RALYL: variants seen among roughly 807,000 people sequenced by gnomAD.
RALYL encodes RNA-binding Raly-like protein.
Under a neutral mutation model 35.1 loss-of-function variants are expected in RALYL, and 29 were observed. The ratio of observed to expected loss-of-function variants is 0.83; its 90% confidence interval spans 0.61 to 1.13. The LOEUF (loss-of-function observed/expected upper bound fraction) is 1.13. Ranked by LOEUF, RALYL falls within the 50% of genes most tolerant of loss-of-function variation. The probability of loss-of-function intolerance (pLI) is 0.00; values close to 1 mark genes in which losing one functional copy is unlikely to be tolerated. For synonymous variants in RALYL, 120 were observed against 127.6 expected, an observed-to-expected ratio of 0.94 and a Z score of 0.40; for missense variants, 359 against 360.4, an observed-to-expected ratio of 1.00 and a Z score of 0.03.
chr8:84,425,088 C>G (rs1291970518), intron 1 of RALYL, among the ~76,000 whole-genome samples: 1 of 152,224 alleles, frequency 6.6e-6, no homozygotes, highest in Non-Finnish European at 1.5e-5. Flanking sequence ...CCAGTTCGAG[C>G]TTCCTAGCTG....
chr8:84,499,320 T>C (rs2056421371), intron 1 of RALYL, among the ~76,000 whole-genome samples: 1 of 152,162 alleles, frequency 6.6e-6, no homozygotes, highest in Non-Finnish European at 1.5e-5. Context: ...ACTAGATGTT[T>C]GTCTTTGTTA....
intron 1 of RALYL, among the ~76,000 whole-genome samples, chr8:84,191,076 T>A (rs566235901): frequency 9.2e-5 from 14 of 151,970 alleles, no homozygotes; most frequent in Admixed American, 7.2e-4. Context: ...TCCATGAATT[T>A]TTGAAATAAA....
At chr8:84,595,308 A>C (rs1697800839) in intron 2 of RALYL, among the ~76,000 whole-genome samples, 1 of 152,148 alleles carries the variant, frequency 6.6e-6, no homozygotes, top group African/African-American at 2.4e-5. Context: ...AGAGAAGAGC[A>C]TTGTTGGAAT....
intron 1 of RALYL, among the ~76,000 whole-genome samples, chr8:84,388,852 T>A (rs938572134): frequency 6.3e-4 from 96 of 152,236 alleles, no homozygotes; most frequent in Non-Finnish European, 1.1e-3. Flanking sequence ...TTTAATTAGA[T>A]CCCATTTGTC....
At chr8:84,425,085 G>C (rs1288768579) in intron 1 of RALYL, among the ~76,000 whole-genome samples, 1 of 152,150 alleles carries the variant, frequency 6.6e-6, no homozygotes, top group Non-Finnish European at 1.5e-5. Flanking sequence ...CACCCAGTTC[G>C]AGCTTCCTAG....
At chr8:84,458,265 G>A (rs1203190404) in intron 1 of RALYL, among the ~76,000 whole-genome samples, 1 of 151,802 alleles carries the variant, frequency 6.6e-6, no homozygotes, top group African/African-American at 2.4e-5. Context: ...TGATAAATGT[G>A]TAGTCCTCCA....
At chr8:84,864,656 T>C in intron 6 of RALYL, 1 of 369,438 alleles carries the variant, frequency 2.7e-6, no homozygotes. Flanking sequence ...ATAAGATAGC[T>C]CCAAGGGATT....
chr8:84,353,762 T>C (rs7825684), intron 1 of RALYL, among the ~76,000 whole-genome samples: 62,001 of 149,716 alleles, frequency 0.41, 14,720 homozygotes, highest in East Asian at 0.51. Flanking sequence ...GGGAGTTGTT[T>C]CTCTGAGCAG....
intron 4 of RALYL, among the ~76,000 whole-genome samples, chr8:84,838,471 A>C (rs1273775082): frequency 2.6e-5 from 4 of 152,194 alleles, no homozygotes; most frequent in Admixed American, 6.5e-5. Flanking sequence ...TTATGACCTG[A>C]GCCAACTACT....
At chr8:84,769,876 A>T (rs544029811) in intron 2 of RALYL, among the ~76,000 whole-genome samples, 3 of 152,282 alleles carry the variant, frequency 2.0e-5, no homozygotes, top group African/African-American at 7.2e-5. Context: ...TAAGTAAGTT[A>T]TGAGGAATAA....
chr8:84,262,573 G>T (rs1001033103), intron 1 of RALYL, among the ~76,000 whole-genome samples: 1 of 151,994 alleles, frequency 6.6e-6, no homozygotes, highest in African/African-American at 2.4e-5. Flanking sequence ...TTAACAAATT[G>T]TCCTATCCTG....
chr8:84,474,960 G>T (rs1448281068), intron 1 of RALYL, among the ~76,000 whole-genome samples: 1 of 132,968 alleles, frequency 7.5e-6, no homozygotes, highest in Non-Finnish European at 1.5e-5. Context: ...TGGGCACAAT[G>T]TGCAGGTTTG....
intron 4 of RALYL, among the ~76,000 whole-genome samples, chr8:84,815,412 T>G (rs1409011320): frequency 6.8e-6 from 1 of 147,912 alleles, no homozygotes; most frequent in Non-Finnish European, 1.5e-5. Flanking sequence ...TATTTACTAT[T>G]TATATATTTA....
At chr8:84,586,677 A>G (rs552196837) in intron 2 of RALYL, among the ~76,000 whole-genome samples, 2 of 152,312 alleles carry the variant, frequency 1.3e-5, no homozygotes, top group South Asian at 2.1e-4. Flanking sequence ...TGAAAATCAT[A>G]CTAAGCAATG....
chr8:84,185,895 G>A (rs1237040239), intron 1 of RALYL, among the ~76,000 whole-genome samples: 1 of 152,138 alleles, frequency 6.6e-6, no homozygotes, highest in African/African-American at 2.4e-5. Flanking sequence ...TGGAATGAAA[G>A]GTTTTACGCC....
intron 1 of RALYL, among the ~76,000 whole-genome samples, chr8:84,488,165 A>G (rs1232852426): frequency 6.6e-6 from 1 of 152,080 alleles, no homozygotes; most frequent in Non-Finnish European, 1.5e-5. Context: ...AATATTTCAT[A>G]TCTGGAAATG....
rs549022544 is a variant in RALYL at position 84,603,393 on chromosome 8, T to C, written c.256+73816T>C. Among the ~76,000 whole-genome samples, 21 of 152,248 alleles carry C rather than the reference T, an allele frequency of 1.4e-4. No individual in the cohort carries two copies. The East Asian group carries it at 3.9e-3, about 28-fold the overall frequency. Reference sequence around the variant, plus strand: ...GTCTTTGTCAGGTTAAATGTTACTCTTCTTTTAAATTCCTTTGGGATTTAA... The same window carrying C: ...GTCTTTGTCAGGTTAAATGTTACTCCTCTTTTAAATTCCTTTGGGATTTAA... On this transcript the variant is annotated intron_variant, in intron 2 of 8. Coordinates refer to ENST00000521268, the MANE Select transcript of RALYL (RefSeq NM_173848.7).
At chr8:84,823,746 C>G (rs1829013817) in intron 4 of RALYL, among the ~76,000 whole-genome samples, 1 of 151,962 alleles carries the variant, frequency 6.6e-6, no homozygotes. Context: ...TCCTCATTCT[C>G]TCCTTGTCCT....
At chr8:84,365,166 T>C (rs1353962832) in intron 1 of RALYL, among the ~76,000 whole-genome samples, 1 of 152,144 alleles carries the variant, frequency 6.6e-6, no homozygotes, top group African/African-American at 2.4e-5. Flanking sequence ...TAATAGTAAA[T>C]TACTAGTCAG....
Sources: gnomAD v4.1 joint callset for allele counts (sites outside exome capture counted in the v4.1 genomes callset) on GRCh38, gnomAD v4.1.1 for gene constraint, MANE v1.5 for transcripts, NCBI Gene and HGNC (gene_info 2026-07-23, HGNC 2026-07-21) for gene names.